Variants in WDFY3 observed in about 807,000 individuals in gnomAD.
The protein encoded by WDFY3 is WD repeat and FYVE domain containing 3.
A neutral mutation model predicts 409.6 loss-of-function variants in WDFY3; 66 were observed. The ratio of observed to expected loss-of-function variants is 0.16; its 90% CI spans 0.13 to 0.20. WDFY3 has a LOEUF of 0.20. WDFY3 is among the 10% of genes least tolerant of loss of function. The pLI is 1.00. For synonymous variants in WDFY3, 1,521 were observed against 1,537.1 expected, an observed-to-expected ratio of 0.99 and a Z score of 0.25; for missense variants, 3,031 against 4,298.1, an observed-to-expected ratio of 0.71 and a Z score of 8.24.
chr4:84,693,762 G>T (rs1729643932), intron 58 of WDFY3, among the ~76,000 whole-genome samples: 1 of 152,198 alleles, frequency 6.6e-6, no homozygotes, highest in East Asian at 1.9e-4. Context: ...GGGCGTGGTG[G>T]TACACGCCTG....
intron 53 of WDFY3, 35 bp from the exon 54 acceptor site, chr4:84,705,546 T>C (rs769500064): frequency 2.0e-6 from 3 of 1,511,886 alleles, no homozygotes; most frequent in East Asian, 4.5e-5. Context: ...TCCAAGTTAC[T>C]ATACACTATC....
chr4:84,775,992 G>A (rs1285438785), intron 27 of WDFY3, among the ~76,000 whole-genome samples: 4 of 151,676 alleles, frequency 2.6e-5, no homozygotes, highest in African/African-American at 4.8e-5. Context: ...TACACAAGAT[G>A]GAAATGGAGA....
intron 48 of WDFY3, 96 bp from the exon 49 acceptor site, chr4:84,717,112 A>T (rs1404396803): frequency 7.7e-7 from 1 of 1,293,182 alleles, no homozygotes; most frequent in Non-Finnish European, 1.0e-6. Context: ...CATGAACAGG[A>T]TGGAGGAGTA....
chr4:84,690,604 TG>T lies in WDFY3; in HGVS notation c.9264del (p.Asn3089ThrfsTer49). The T allele has an allele frequency of 6.2e-7, 1 of 1,614,150 alleles. No homozygotes were observed. Among genetic ancestry groups the T allele is most frequent in the Non-Finnish European group, 8.5e-7 (1 of 1,180,026 alleles). On this transcript the variant is annotated frameshift_variant, in exon 61 of 68. Coordinates refer to ENST00000295888, the MANE Select transcript of WDFY3 (RefSeq NM_014991.6). LOFTEE classifies it high-confidence loss of function. Reference sequence around the variant, plus strand: ...CCACCCGTGATGACCAGCTTGGGGTTGGGGCAGATTGCACAGAGAATCTGGC... The same window carrying T: ...CCACCCGTGATGACCAGCTTGGGGTTGGGCAGATTGCACAGAGAATCTGGC... ...EWGQILCAICPNPKLVITGGT... is the reference protein window; with the variant it reads ...EWGQILCAICXNPKLVITGGT...
intron 44 of WDFY3, among the ~76,000 whole-genome samples, chr4:84,728,718 T>C (rs895786346): frequency 1.3e-5 from 2 of 152,172 alleles, no homozygotes; most frequent in African/African-American, 4.8e-5. Context: ...ACAGTGTTGA[T>C]TTAATACATA....
chr4:84,884,800 A>AC (rs1763973783), intron 3 of WDFY3, among the ~76,000 whole-genome samples: 1 of 152,188 alleles, frequency 6.6e-6, no homozygotes, highest in African/African-American at 2.4e-5. Context: ...TCTAATCAGA[A>AC]CCAAACATGT....
At chr4:84,776,577 C>G (rs181577068) in intron 27 of WDFY3, among the ~76,000 whole-genome samples, 71 of 152,110 alleles carry the variant, frequency 4.7e-4, no homozygotes, top group Non-Finnish European at 8.7e-4. Context: ...TCTTAGTGTT[C>G]CCATAATCCC....
At chr4:84,788,481 T>TA (rs1190960874) in intron 22 of WDFY3, among the ~76,000 whole-genome samples, 1 of 152,202 alleles carries the variant, frequency 6.6e-6, no homozygotes, top group Middle Eastern at 3.2e-3. Context: ...TTATTTTTAA[T>TA]GACACTAAAA....
At chr4:84,677,619 A>G (rs900950009) in intron 66 of WDFY3, among the ~76,000 whole-genome samples, 4 of 152,176 alleles carry the variant, frequency 2.6e-5, no homozygotes, top group African/African-American at 9.7e-5. Flanking sequence ...CCCTTGCTGT[A>G]TCTTTGAAGA....
chr4:84,705,750 A>G (rs998280924), intron 53 of WDFY3, among the ~76,000 whole-genome samples: 2 of 152,198 alleles, frequency 1.3e-5, no homozygotes, highest in African/African-American at 4.8e-5. Flanking sequence ...TTTGGAAATT[A>G]TATGTTTCAC....
intron 3 of WDFY3, among the ~76,000 whole-genome samples, chr4:84,893,899 GA>G (rs1388250231): frequency 6.6e-6 from 1 of 151,896 alleles, no homozygotes; most frequent in African/African-American, 2.4e-5. Context: ...CTGAGGCAGA[GA>G]ATTTCTTGAA....
intron 60 of WDFY3, 74 bp downstream of exon 60, chr4:84,691,557 A>G: frequency 4.6e-6 from 7 of 1,512,808 alleles, no homozygotes; most frequent in East Asian, 2.3e-5. Context: ...GTTCTCCCCA[A>G]CCCTATTAGT....
At chr4:84,914,509 C>T (rs1010930072) in intron 2 of WDFY3, among the ~76,000 whole-genome samples, 1 of 152,104 alleles carries the variant, frequency 6.6e-6, no homozygotes, top group Admixed American at 6.6e-5. Flanking sequence ...AAATTTTCGA[C>T]TGGAGGGGCA....
chr4:84,818,403 T>A (rs1211577446), intron 12 of WDFY3, among the ~76,000 whole-genome samples: 2 of 152,174 alleles, frequency 1.3e-5, no homozygotes, highest in Non-Finnish European at 2.9e-5. Flanking sequence ...ATCTCTATTA[T>A]GGTTTATAAC....
At chr4:84,777,943 TA>T (rs1213997416) in intron 27 of WDFY3, among the ~76,000 whole-genome samples, 3 of 152,070 alleles carry the variant, frequency 2.0e-5, no homozygotes, top group Non-Finnish European at 4.4e-5. Flanking sequence ...GCTGTTACAG[TA>T]ATAAGCCAGT....
chr4:84,685,557 T>C (rs1436057207), intron 62 of WDFY3, among the ~76,000 whole-genome samples: 1 of 152,252 alleles, frequency 6.6e-6, no homozygotes, highest in African/African-American at 2.4e-5. Flanking sequence ...CATTCTGCAC[T>C]GGGCAAGACC....
Position 84,826,966 on chromosome 4 carries a change from T to C in WDFY3, c.972A>G (p.Lys324=). ...TCAAGGCATCTTTGGATTCTGCCTC[T>C]TTTGCTTGTTCCAATCTAGAAAAGT... is the stretch of plus-strand genomic sequence containing the variant. The part of the protein sequence containing the change: ...CDLLLRLEQA[K]EAESKDALKD... Residue 324 remains lysine (K), a synonymous_variant, in exon 10 of 68, where the codon AAA becomes AAG. Coordinates refer to ENST00000295888, the MANE Select transcript of WDFY3 (RefSeq NM_014991.6). 2 of 1,607,944 alleles carry C rather than the reference T, an allele frequency of 1.2e-6. No homozygotes were observed. Among genetic ancestry groups the C allele is most frequent in the Non-Finnish European group, 1.7e-6 (2 of 1,178,526 alleles).
intron 3 of WDFY3, among the ~76,000 whole-genome samples, chr4:84,874,357 G>A (rs889809648): frequency 4.0e-5 from 6 of 151,870 alleles, no homozygotes; most frequent in African/African-American, 1.5e-4. Context: ...AGGTTGCAGT[G>A]AGCCGAGATT....
chr4:84,892,316 C>T (rs567265864), intron 3 of WDFY3, among the ~76,000 whole-genome samples: 3 of 151,136 alleles, frequency 2.0e-5, no homozygotes, highest in African/African-American at 4.8e-5. Flanking sequence ...TATGTAATCT[C>T]TTATAAAGTG....
Sources: allele counts gnomAD v4.1 joint callset (sites outside exome capture counted in the v4.1 genomes callset), GRCh38; gene constraint gnomAD v4.1.1; transcripts MANE v1.5; gene names NCBI Gene and HGNC (gene_info 2026-07-23, HGNC 2026-07-21).